NEIL3: variants seen among roughly 807,000 people sequenced by gnomAD.
NEIL3 encodes nei like DNA glycosylase 3.
A neutral mutation model predicts 57.5 loss-of-function variants in NEIL3; 48 were observed. The ratio of observed to expected loss-of-function variants is 0.83; its 90% CI spans 0.66 to 1.06. The LOEUF is 1.06. Among genes scored for constraint, NEIL3 ranks in the 50% least tolerant of loss-of-function variants. The pLI, the probability that NEIL3 is intolerant of heterozygous loss-of-function variation, is 0.00. For synonymous variants in NEIL3, 261 were observed against 253.2 expected, an observed-to-expected ratio of 1.03 and a Z score of -0.29; for missense variants, 717 against 739.1, an observed-to-expected ratio of 0.97 and a Z score of 0.35.
At position 177,348,858 on chromosome 4, in the gene NEIL3, A is replaced by ATTTTTTTTTTTTTTTTTTTT. The variant is rs749391559; in HGVS notation, c.870-2514_870-2495dup. Among the ~76,000 whole-genome samples, 14 of 73,736 alleles carry ATTTTTTTTTTTTTTTTTTTT rather than the reference A, an allele frequency of 1.9e-4. 2 individuals carry two copies. Among genetic ancestry groups the ATTTTTTTTTTTTTTTTTTTT allele is most frequent in the African/African-American group, 3.6e-4 (6 of 16,566 alleles). The allele number at this position is 73,736 out of a possible 152,430, so 48.4% of individuals were successfully genotyped here. A position where few individuals can be genotyped will look rare whatever the true frequency, so the allele number is the denominator to read the frequency against. Reference sequence around the variant, plus strand: ...AGAATTGCAGATTGGTGGCTCATGAATTTTTTTTTTTTTTTTTTTTTTTTT... The same window carrying ATTTTTTTTTTTTTTTTTTTT: ...AGAATTGCAGATTGGTGGCTCATGAATTTTTTTTTTTTTTTTTTTTTTTTTTTTTTTTTTTTTTTTTTTTT... On this transcript the variant is annotated intron_variant, in intron 6 of 9. Coordinates refer to ENST00000264596, the MANE Select transcript of NEIL3 (RefSeq NM_018248.3).
intron 1 of NEIL3, among the ~76,000 whole-genome samples, chr4:177,314,350 G>A (rs1176016815): frequency 1.3e-5 from 2 of 152,214 alleles, no homozygotes; most frequent in African/African-American, 2.4e-5. Flanking sequence ...ATGCTGCAGA[G>A]AAGAGAGCAT....
rs570272583 is a variant in NEIL3 at position 177,323,116 on chromosome 4, G to A, written c.278+536G>A. ...CATGGCTAATATACTGGCAGAGAAG[G>A]ACTAGCAACCTATTTCCTTTGTTGA... On this transcript the variant is annotated intron_variant, in intron 2 of 9. Coordinates refer to ENST00000264596, the MANE Select transcript of NEIL3 (RefSeq NM_018248.3). Among the ~76,000 whole-genome samples the A allele has an allele frequency of 9.9e-5, 15 of 152,280 alleles. No homozygotes were observed. The South Asian group carries it at 3.1e-3, about 32-fold the overall frequency.
chr4:177,324,291 GT>G (rs890199620), intron 2 of NEIL3, among the ~76,000 whole-genome samples: 1 of 152,062 alleles, frequency 6.6e-6, no homozygotes, highest in Admixed American at 6.6e-5. Flanking sequence ...ACTTTCAAAG[GT>G]TGCTCACAGT....
intron 2 of NEIL3, among the ~76,000 whole-genome samples, chr4:177,326,450 G>C (rs532928997): frequency 1.3e-5 from 2 of 151,024 alleles, no homozygotes; most frequent in African/African-American, 4.9e-5. Flanking sequence ...ATAATACACT[G>C]TCTTAATTAA....
chr4:177,341,689 C>A, intron 6 of NEIL3, 47 bp downstream of exon 6: 1 of 1,473,208 alleles, frequency 6.8e-7, no homozygotes. Flanking sequence ...AACCATCTAA[C>A]TAAAAGGCTA....
At chr4:177,365,693 T>C (rs1182642897), downstream of NEIL3, among the ~76,000 whole-genome samples, 2 of 152,200 alleles carry the variant, frequency 1.3e-5, no homozygotes, top group African/African-American at 4.8e-5. Context: ...ACATTAGAAG[T>C]CTGTTTAGAA....
intron 6 of NEIL3, among the ~76,000 whole-genome samples, chr4:177,348,495 A>G (rs1377710404): frequency 1.3e-5 from 2 of 152,056 alleles, no homozygotes; most frequent in Admixed American, 6.6e-5. Context: ...TCACCAGGGC[A>G]ATAGTTTCCC....
chr4:177,353,797 ACT>A, intron 8 of NEIL3, 69 bp downstream of exon 8: 1 of 1,329,470 alleles, frequency 7.5e-7, no homozygotes, highest in Non-Finnish European at 1.0e-6. Flanking sequence ...ACGAGGTCTC[ACT>A]CTGTCACCTA....
At chr4:177,312,552 T>G (rs1734496819) in intron 1 of NEIL3, among the ~76,000 whole-genome samples, 1 of 152,198 alleles carries the variant, frequency 6.6e-6, no homozygotes, top group Admixed American at 6.5e-5. Flanking sequence ...ATGTTTGGAT[T>G]GCACAAAAGA....
At chr4:177,326,766 A>G (rs1734786472) in intron 2 of NEIL3, among the ~76,000 whole-genome samples, 2 of 152,050 alleles carry the variant, frequency 1.3e-5, no homozygotes, top group African/African-American at 4.8e-5. Flanking sequence ...GACATATTTT[A>G]TATTTGTAAC....
chr4:177,315,588 G>A lies in NEIL3; in HGVS notation c.156+5479G>A, dbSNP rs536886943. On this transcript the variant is annotated intron_variant, in intron 1 of 9. Coordinates refer to ENST00000264596, the MANE Select transcript of NEIL3 (RefSeq NM_018248.3). Reference sequence around the variant, plus strand: ...AATTTGGGCAGCAAAAGCTTGTAGAGAGCAGTGATAACCCTAGATTCTATG... The same window carrying A: ...AATTTGGGCAGCAAAAGCTTGTAGAAAGCAGTGATAACCCTAGATTCTATG... Among the ~76,000 whole-genome samples the A allele has an allele frequency of 2.0e-5, 3 of 152,276 alleles. No homozygotes were observed. In the South Asian group the frequency reaches 6.2e-4, roughly 32 times the overall value.
chr4:177,321,706 G>A (rs1480574244), intron 1 of NEIL3, among the ~76,000 whole-genome samples: 3 of 152,154 alleles, frequency 2.0e-5, no homozygotes, highest in Admixed American at 6.6e-5. Flanking sequence ...AAGGGAATAT[G>A]AGTTTATTTT....
chr4:177,319,970 TG>T (rs936931893), intron 1 of NEIL3, among the ~76,000 whole-genome samples: 4 of 152,142 alleles, frequency 2.6e-5, no homozygotes, highest in African/African-American at 9.7e-5. Flanking sequence ...CTTATAAATG[TG>T]GGTTTAAAAT....
In NEIL3 at chr4:177,351,465, G is replaced by A; in HGVS notation, c.955G>A (p.Glu319Lys). The change falls in exon 7 of 10, where the codon GAG becomes AAG. Residue 319 changes from glutamate (E) to lysine (K), a missense_variant. Physicochemically the swap from Glu to Lys is moderately conservative, Grantham distance 56. Transcript: ENST00000264596. The part of the protein sequence containing the change: ...VMDSVARKSE[E>K]HWTCVVCTLI... ...GGACTCCGTGGCTCGGAAGTCGGAA[G>A]AGCACTGGACCTGTGTGGTGTGTAC... is the stretch of plus-strand genomic sequence containing the variant. The A allele has an allele frequency of 6.2e-7, 1 of 1,614,036 alleles. No homozygotes were observed. Among genetic ancestry groups the A allele is most frequent in the Non-Finnish European group, 8.5e-7 (1 of 1,179,926 alleles).
chr4:177,361,709 G>A (rs756626450), intron 9 of NEIL3, among the ~76,000 whole-genome samples: 16 of 151,620 alleles, frequency 1.1e-4, no homozygotes, highest in Admixed American at 5.9e-4. Context: ...TTCAGTCTGC[G>A]TAAGTATTTG....
At chr4:177,357,255 A>G (rs1224803459) in intron 8 of NEIL3, among the ~76,000 whole-genome samples, 4 of 152,248 alleles carry the variant, frequency 2.6e-5, no homozygotes, top group Non-Finnish European at 4.4e-5. Context: ...CGCCCTATCT[A>G]TAAAATGAGT....
intron 6 of NEIL3, among the ~76,000 whole-genome samples, chr4:177,346,973 C>T (rs1735232430): frequency 6.7e-6 from 1 of 148,700 alleles, no homozygotes; most frequent in Non-Finnish European, 1.5e-5. Flanking sequence ...ATGCACTTCA[C>T]CCTAGGTAAC....
intron 3 of NEIL3, 56 bp from the exon 4 acceptor site, chr4:177,336,052 C>T (rs1734972485): frequency 4.9e-6 from 7 of 1,428,736 alleles, no homozygotes; most frequent in South Asian, 1.2e-5. Context: ...TTAAAAGACA[C>T]TTTGTGAAAT....
At chr4:177,348,499 G>A (rs1307891189) in intron 6 of NEIL3, among the ~76,000 whole-genome samples, 1 of 152,104 alleles carries the variant, frequency 6.6e-6, no homozygotes, top group Non-Finnish European at 1.5e-5. Context: ...CAGGGCAATA[G>A]TTTCCCTGGG....
Sources: gnomAD v4.1 joint callset for allele counts (sites outside exome capture counted in the v4.1 genomes callset) on GRCh38, gnomAD v4.1.1 for gene constraint, MANE v1.5 for transcripts, NCBI Gene and HGNC (gene_info 2026-07-23, HGNC 2026-07-21) for gene names.